Variants in NUDT1 observed in about 807,000 individuals in gnomAD.
NUDT1 encodes the protein oxidized purine nucleoside triphosphate hydrolase.
NUDT1 carries 16 observed loss-of-function variants against 11.3 expected under a neutral mutation model. That is an observed-to-expected ratio of 1.41 (90% CI 0.96 to 2.15). The LOEUF is 2.15. Among genes scored for constraint, NUDT1 ranks in the 30% most tolerant of loss-of-function variants. NUDT1 has a pLI of 0.00. For synonymous variants in NUDT1, 101 were observed against 84.4 expected (o/e 1.20, Z -1.08); for missense variants, 234 against 208.4 (o/e 1.12, Z -0.76).
intron 1 of NUDT1, chr7:2,243,156 T>A: frequency 1.7e-6 from 1 of 601,650 alleles, no homozygotes; most frequent in Non-Finnish European, 3.0e-6. Context: ...CCTGTTGGTG[T>A]GCTTTCCACG....
rs573485410 is a variant in NUDT1, at chr7:2,249,798, C to T, written c.153-59C>T. On this transcript the variant is annotated intron_variant, in intron 2 of 3. Coordinates refer to ENST00000356714, the MANE Select transcript of NUDT1 (RefSeq NM_002452.4). ...ATGCCCAGCTCCTCCTCCCTGCCATCGTGTGGGCATGGCACCATGCCCTGA... is the reference window on the plus strand; with the variant it reads ...ATGCCCAGCTCCTCCTCCCTGCCATTGTGTGGGCATGGCACCATGCCCTGA... 4.6e-5 allele frequency: 73 copies of T among 1,599,892 alleles called. No individual in the cohort carries two copies. The East Asian group carries it at 7.6e-4, about 17-fold the overall frequency.
At chr7:2,250,287 CAG>C (rs1491523185) in intron 3 of NUDT1, among the ~76,000 whole-genome samples, 2 of 152,182 alleles carry the variant, frequency 1.3e-5, no homozygotes, top group African/African-American at 2.4e-5. Context: ...GTGAACTCCT[CAG>C]AGAGTCAGTG....
intron 2 of NUDT1, chr7:2,248,124 CAGA>C (rs1794840405): frequency 6.6e-6 from 1 of 152,360 alleles, no homozygotes; most frequent in African/African-American, 2.4e-5. Context: ...GAGGCCAAAG[CAGA>C]AGGATCGCTT....
intron 2 of NUDT1, among the ~76,000 whole-genome samples, chr7:2,247,865 G>T (rs1042817331): frequency 6.6e-6 from 1 of 152,246 alleles, no homozygotes; most frequent in Non-Finnish European, 1.5e-5. Flanking sequence ...ACAGCCGGCC[G>T]CCAAGAGGCG....
intron 2 of NUDT1, among the ~76,000 whole-genome samples, chr7:2,247,762 T>C (rs1317231071): frequency 2.6e-5 from 4 of 152,234 alleles, no homozygotes; most frequent in Admixed American, 6.5e-5. Context: ...CCCGGCGGAT[T>C]CTTGATGCTT....
intron 3 of NUDT1, among the ~76,000 whole-genome samples, chr7:2,250,606 C>A (rs35413098): frequency 6.6e-6 from 1 of 151,192 alleles, no homozygotes; most frequent in East Asian, 1.9e-4. Context: ...TACAGGCGCC[C>A]GCCACCACGC....
intron 3 of NUDT1, among the ~76,000 whole-genome samples, 162 bp from the exon 4 acceptor site, chr7:2,250,667 C>T (rs1458076140): frequency 9.3e-6 from 1 of 107,874 alleles, no homozygotes; most frequent in East Asian, 3.1e-4. Context: ...ACCGTGTTAG[C>T]CAGGATGGTC....
chr7:2,244,829 C>CT lies in NUDT1; in HGVS notation c.152+104dup, dbSNP rs1330922616. On this transcript the variant is annotated intron_variant, in intron 2 of 3. Transcript: ENST00000356714. ...GTTTCACCACTAAGAGCTAAGTGACCTGGAGCAGGGGGTTAAGCGTGAGCC... is the reference window on the plus strand; with the variant it reads ...GTTTCACCACTAAGAGCTAAGTGACCTTGGAGCAGGGGGTTAAGCGTGAGCC... The CT allele has an allele frequency of 2.1e-6, 3 of 1,403,228 alleles. No individual in the cohort carries two copies. The African/African-American group carries it at 4.3e-5, about 20-fold the overall frequency. The allele number at this position is 1,403,228 out of a possible 1,614,324, so 86.9% of individuals were successfully genotyped here.
At chr7:2,244,452 A>AGCCC in intron 1 of NUDT1, 111 bp from the exon 2 acceptor site, 1 of 553,140 alleles carries the variant, frequency 1.8e-6, no homozygotes, top group Non-Finnish European at 3.2e-6. Flanking sequence ...GTTACAGCAT[A>AGCCC]CCCCCCCGCC....
At chr7:2,244,806 T>C in intron 2 of NUDT1, 80 bp downstream of exon 2, 2 of 1,524,672 alleles carry the variant, frequency 1.3e-6, no homozygotes, top group Non-Finnish European at 1.8e-6. Flanking sequence ...CACCCTTGGT[T>C]TCACCACTAA....
rs546330678 is a variant in NUDT1, at chr7:2,249,921, G to A, written c.217G>A (p.Glu73Lys). 19 of 1,614,238 alleles carry A rather than the reference G, an allele frequency of 1.2e-5. No homozygotes were observed. The highest frequency in any genetic ancestry group is 1.6e-5 in the Non-Finnish European group (19 of 1,180,042). ...ALHKVGQIVF[E>K]FVGEPELMDV... is the part of the protein sequence containing the mutation. ...GCACAAGGTGGGCCAGATCGTGTTTGAGTTCGTGGGCGAGCCTGAGCTCAT... is the reference window on the plus strand; with the variant it reads ...GCACAAGGTGGGCCAGATCGTGTTTAAGTTCGTGGGCGAGCCTGAGCTCAT... Residue 73 changes from glutamate to lysine, a missense_variant, in exon 3 of 4, where the codon GAG becomes AAG. Transcript: ENST00000356714.
intron 1 of NUDT1, among the ~76,000 whole-genome samples, chr7:2,244,178 G>C (rs1419269297): frequency 6.6e-6 from 1 of 152,230 alleles, no homozygotes; most frequent in African/African-American, 2.4e-5. Context: ...GTGCCAATCA[G>C]GCACGGGGAC....
chr7:2,245,145 C>T (rs1274753329), intron 2 of NUDT1, among the ~76,000 whole-genome samples: 1 of 152,180 alleles, frequency 6.6e-6, no homozygotes, highest in Non-Finnish European at 1.5e-5. Flanking sequence ...TTTCATCTCA[C>T]ACTCGCTGTG....
intron 2 of NUDT1, among the ~76,000 whole-genome samples, chr7:2,245,693 G>C (rs1459637176): frequency 6.6e-6 from 1 of 152,072 alleles, no homozygotes; most frequent in Non-Finnish European, 1.5e-5. Context: ...CGAACAGCTG[G>C]GACCACAGGC....
chr7:2,242,668 C>T (rs1794595344), intron 1 of NUDT1: 1 of 383,292 alleles, frequency 2.6e-6, no homozygotes, highest in Non-Finnish European at 4.7e-6. Context: ...TTGTCCTCCT[C>T]GAAGGGCGTG....
chr7:2,251,084 G>A lies in NUDT1; in HGVS notation c.*83G>A, dbSNP rs555553353. 254 of 1,391,312 alleles carry A rather than the reference G, an allele frequency of 1.8e-4. 1 individual carries two copies. The highest frequency in any genetic ancestry group is 7.7e-4 in the South Asian group (66 of 86,066). 86.2% of individuals were successfully genotyped at this position (1,391,312 alleles called of 1,614,324 possible). On this transcript the variant is annotated 3_prime_UTR_variant, in exon 4 of 4. Transcript: ENST00000356714. Reference sequence around the variant, plus strand: ...TCTTCACCTGGGGGCATTGAGTGGCGCAGAGCCGGGTTTCATCTGGAATTA... The same window carrying A: ...TCTTCACCTGGGGGCATTGAGTGGCACAGAGCCGGGTTTCATCTGGAATTA...
In NUDT1 at chr7:2,251,043, G is replaced by A. The variant is rs1795004395; in HGVS notation, c.*42G>A. On this transcript the variant is annotated 3_prime_UTR_variant, in exon 4 of 4. Transcript: ENST00000356714. The stretch of plus-strand genomic sequence containing the variant: ...CCCCTGGGCAGGAGACGTGGCTGCT[G>A]AACAGCCGCAAACCATCTTCACCTG... The A allele has an allele frequency of 1.2e-6, 2 of 1,601,562 alleles. No individual in the cohort carries two copies. Among genetic ancestry groups the A allele is most frequent in the East Asian group, 4.5e-5 (2 of 44,712 alleles).
chr7:2,248,798 C>A (rs560777873), intron 2 of NUDT1, among the ~76,000 whole-genome samples: 1 of 152,304 alleles, frequency 6.6e-6, no homozygotes, highest in African/African-American at 2.4e-5. Flanking sequence ...GCAATCAATC[C>A]TCCCACCTTG....
rs766221010 is a variant in NUDT1, at chr7:2,250,977, A to G, written c.447A>G (p.Thr149=). The change falls in exon 4 of 4, where the codon ACA becomes ACG. Residue 149 remains threonine (T), a synonymous_variant. Coordinates refer to ENST00000356714, the MANE Select transcript of NUDT1 (RefSeq NM_002452.4). ...FQGQDTILDY[T]LREVDTV Reference sequence around the variant, plus strand: ...GTCAGGACACCATCCTGGACTACACACTCCGCGAGGTGGACACGGTCTAGC... The same window carrying G: ...GTCAGGACACCATCCTGGACTACACGCTCCGCGAGGTGGACACGGTCTAGC... 1.2e-6 allele frequency: 2 copies of G among 1,613,554 alleles called. No individual in the cohort carries two copies. The highest frequency in any genetic ancestry group is 1.7e-6 in the Non-Finnish European group (2 of 1,179,880).
Sources: allele counts gnomAD v4.1 joint callset (sites outside exome capture counted in the v4.1 genomes callset), GRCh38; gene constraint gnomAD v4.1.1; transcripts MANE v1.5; gene names NCBI Gene and HGNC (gene_info 2026-07-23, HGNC 2026-07-21).